LRRTM4: variants seen among roughly 807,000 people sequenced by gnomAD.
The protein encoded by LRRTM4 is leucine rich repeat transmembrane neuronal 4, also known as leucine-rich repeat transmembrane neuronal protein 4.
LRRTM4 carries 25 observed loss-of-function variants against 47.6 expected under a neutral mutation model. The ratio of observed to expected loss-of-function variants is 0.53; its 90% CI spans 0.38 to 0.73. The LOEUF is 0.73. Among genes scored for constraint, LRRTM4 ranks in the 30% least tolerant of loss-of-function variants. The probability of loss-of-function intolerance (pLI) is 0.00; values close to 1 mark genes in which losing one functional copy is unlikely to be tolerated. For missense variants in LRRTM4, 638 were observed against 713.4 expected (o/e 0.89, Z 1.20); for synonymous variants, 311 against 269.5 (o/e 1.15, Z -1.51).
intron 3 of LRRTM4, among the ~76,000 whole-genome samples, chr2:77,079,828 TTTAC>T (rs1473729317): frequency 6.6e-6 from 1 of 152,104 alleles, no homozygotes; most frequent in African/African-American, 2.4e-5. Context: ...TTTCTATTCT[TTTAC>T]TTTTTTTTAG....
intron 3 of LRRTM4, among the ~76,000 whole-genome samples, chr2:77,201,472 A>G (rs1361495057): frequency 1.3e-5 from 2 of 152,164 alleles, no homozygotes; most frequent in African/African-American, 2.4e-5. Flanking sequence ...GGAAATAATT[A>G]TTACTTAAAA....
intron 3 of LRRTM4, among the ~76,000 whole-genome samples, chr2:76,950,282 A>G (rs1675454222): frequency 1.3e-5 from 2 of 151,936 alleles, no homozygotes; most frequent in Admixed American, 1.3e-4. Context: ...GTAATGTTAC[A>G]TTTTAGCTCA....
chr2:77,219,171 T>G (rs549758661), intron 3 of LRRTM4, among the ~76,000 whole-genome samples: 1 of 152,182 alleles, frequency 6.6e-6, no homozygotes, highest in Non-Finnish European at 1.5e-5. Flanking sequence ...CTTGAAATAT[T>G]TGAGTAGGGG....
rs190709338 is a variant in LRRTM4 at position 77,207,372 on chromosome 2, T to C, written c.1551+310946A>G. 1.5e-3 allele frequency among the ~76,000 whole-genome samples: 195 copies of C among 131,106 alleles called. 4 individuals are homozygous for C. In the East Asian group the frequency reaches 0.018, roughly 12 times the overall value. 86.0% of individuals were successfully genotyped at this position (131,106 alleles called of 152,430 possible). A position where few individuals can be genotyped will look rare whatever the true frequency, so the allele number is the denominator to read the frequency against. ...GTGTATATATATATATATATATATA[T>C]ACACACACACATATTTATATACACA... On this transcript the variant is annotated intron_variant, in intron 3 of 3. Transcript: ENST00000409884.
chr2:77,338,074 C>A (rs989317218), intron 3 of LRRTM4, among the ~76,000 whole-genome samples: 1 of 151,976 alleles, frequency 6.6e-6, no homozygotes, highest in Non-Finnish European at 1.5e-5. Context: ...TTCCTTATAC[C>A]AGATACAAAA....
chr2:77,350,988 G>A (rs550310632), intron 3 of LRRTM4, among the ~76,000 whole-genome samples: 8 of 152,152 alleles, frequency 5.3e-5, no homozygotes, highest in African/African-American at 1.7e-4. Context: ...GCATGTCATG[G>A]GGGTTTCTTT....
intron 3 of LRRTM4, among the ~76,000 whole-genome samples, chr2:76,825,021 G>A (rs994404121): frequency 5.3e-5 from 8 of 151,546 alleles, no homozygotes; most frequent in African/African-American, 1.9e-4. Context: ...CATTTATAAT[G>A]TTCTGGGCAA....
intron 3 of LRRTM4, among the ~76,000 whole-genome samples, chr2:77,367,280 A>G (rs1249475774): frequency 2.3e-5 from 2 of 88,492 alleles, no homozygotes; most frequent in Non-Finnish European, 4.2e-5. Flanking sequence ...TGGTGTCATT[A>G]TTTGATTTTT....
intron 3 of LRRTM4, among the ~76,000 whole-genome samples, chr2:77,433,013 G>A (rs1675446939): frequency 6.6e-6 from 1 of 152,184 alleles, no homozygotes; most frequent in African/African-American, 2.4e-5. Flanking sequence ...AGCTGAGTGA[G>A]CATTGTGTCT....
At chr2:77,344,298 A>G (rs1671480951) in intron 3 of LRRTM4, among the ~76,000 whole-genome samples, 1 of 151,864 alleles carries the variant, frequency 6.6e-6, no homozygotes, top group Admixed American at 6.6e-5. Flanking sequence ...GACTATAAAC[A>G]GCCATTACAA....
intron 3 of LRRTM4, among the ~76,000 whole-genome samples, chr2:77,229,927 T>C (rs1674919723): frequency 6.6e-6 from 1 of 152,146 alleles, no homozygotes; most frequent in African/African-American, 2.4e-5. Flanking sequence ...CCCACTATCT[T>C]GCTTTAAATT....
At chr2:77,240,213 T>C (rs1675219179) in intron 3 of LRRTM4, among the ~76,000 whole-genome samples, 1 of 151,654 alleles carries the variant, frequency 6.6e-6, no homozygotes, top group African/African-American at 2.4e-5. Flanking sequence ...ACAAGGGAAA[T>C]TAGAAAATAT....
chr2:76,934,414 T>C (rs886195690), intron 3 of LRRTM4, among the ~76,000 whole-genome samples: 20 of 152,152 alleles, frequency 1.3e-4, no homozygotes, highest in African/African-American at 4.6e-4. Context: ...ACTAGGGACA[T>C]AACAACTAAA....
intron 3 of LRRTM4, chr2:77,516,801 A>G: frequency 1.0e-6 from 1 of 979,300 alleles, no homozygotes; most frequent in Non-Finnish European, 1.2e-6. Flanking sequence ...TTCTTTGAAG[A>G]ACAGTTCAAT....
intron 3 of LRRTM4, among the ~76,000 whole-genome samples, chr2:76,994,750 T>G (rs1677139545): frequency 6.6e-6 from 1 of 152,018 alleles, no homozygotes; most frequent in African/African-American, 2.4e-5. Flanking sequence ...GAACGTGGTA[T>G]TTATAGTAAA....
At chr2:77,062,685 CTA>C in intron 3 of LRRTM4, among the ~76,000 whole-genome samples, 1 of 152,184 alleles carries the variant, frequency 6.6e-6, no homozygotes, top group Middle Eastern at 3.4e-3. Flanking sequence ...GTCTCTGTCT[CTA>C]TCTCTTCCCA....
chr2:77,341,525 C>T (rs1472247814), intron 3 of LRRTM4, among the ~76,000 whole-genome samples: 1 of 152,014 alleles, frequency 6.6e-6, no homozygotes, highest in African/African-American at 2.4e-5. Context: ...TATCACATTT[C>T]CTTGGATAAT....
chr2:77,273,094 T>C (rs1455594565), intron 3 of LRRTM4, among the ~76,000 whole-genome samples: 1 of 152,194 alleles, frequency 6.6e-6, no homozygotes, highest in Non-Finnish European at 1.5e-5. Context: ...AACTTGTTTT[T>C]TCATCCTGTT....
At chr2:76,970,985 C>G (rs745342198) in intron 3 of LRRTM4, among the ~76,000 whole-genome samples, 13 of 152,038 alleles carry the variant, frequency 8.6e-5, no homozygotes, top group Admixed American at 5.3e-4. Context: ...CTCAAAGTAT[C>G]TCCAGAACCT....
Sources: allele counts gnomAD v4.1 joint callset (sites outside exome capture counted in the v4.1 genomes callset), GRCh38; gene constraint gnomAD v4.1.1; transcripts MANE v1.5; gene names NCBI Gene and HGNC (gene_info 2026-07-23, HGNC 2026-07-21).